Variants in CACNA1A observed in about 807,000 individuals in gnomAD.
CACNA1A encodes the protein calcium voltage-gated channel subunit alpha1 A, also known as voltage-dependent P/Q-type calcium channel subunit alpha-1A.
CACNA1A carries 57 observed loss-of-function variants against 262.4 expected under a neutral mutation model. The ratio of observed to expected loss-of-function variants is 0.22; its 90% CI spans 0.18 to 0.27. CACNA1A has a LOEUF of 0.27. Ranked by LOEUF, CACNA1A falls within the 10% of genes least tolerant of loss-of-function variation. The probability of loss-of-function intolerance (pLI) is 1.00; values close to 1 mark genes in which losing one functional copy is unlikely to be tolerated. For synonymous variants in CACNA1A, 1,431 were observed against 1,419.3 expected (o/e 1.01, Z -0.18); for missense variants, 2,526 against 3,562.8 (o/e 0.71, Z 7.41).
intron 4 of CACNA1A, among the ~76,000 whole-genome samples, chr19:13,369,909 T>G (rs762968636): frequency 5.9e-5 from 9 of 152,206 alleles, no homozygotes; most frequent in South Asian, 2.1e-4. Flanking sequence ...TACAAAAAGA[T>G]CCTGCTGGTG....
At chr19:13,470,706 C>T (rs757917975) in intron 1 of CACNA1A, among the ~76,000 whole-genome samples, 7 of 152,194 alleles carry the variant, frequency 4.6e-5, no homozygotes, top group African/African-American at 1.7e-4. Context: ...TGCAACGCTG[C>T]CCTCCACCAC....
intron 1 of CACNA1A, among the ~76,000 whole-genome samples, chr19:13,486,366 GTC>G (rs1167412544): frequency 4.0e-4 from 26 of 65,196 alleles, no homozygotes; most frequent in Admixed American, 4.8e-4. Context: ...GGTTTGTTCT[GTC>G]TCTCTCTCTC....
intron 1 of CACNA1A, among the ~76,000 whole-genome samples, chr19:13,457,834 CAAAAGCAAAACTCCGTTTCAAAA>C (rs528050651): frequency 0.039 from 2,543 of 64,668 alleles, 59 homozygotes; most frequent in African/African-American, 0.13. Context: ...GCCTGGGCAA[CAAAAGCAAAACTCCGTTTCAAAA>C]AAAAAAAAAA....
At chr19:13,266,397 T>C (rs1012835081) in intron 24 of CACNA1A, among the ~76,000 whole-genome samples, 3 of 152,032 alleles carry the variant, frequency 2.0e-5, no homozygotes, top group Non-Finnish European at 2.9e-5. Flanking sequence ...AATTGAACTT[T>C]AGAATACATG....
intron 1 of CACNA1A, 36 bp downstream of exon 1, chr19:13,505,896 G>T: frequency 6.3e-7 from 1 of 1,596,306 alleles, no homozygotes; most frequent in Non-Finnish European, 8.5e-7. Flanking sequence ...AGGAGGGGGA[G>T]GCGCAGCTGC....
chr19:13,227,400 T>C (rs955359191), intron 37 of CACNA1A, 31 bp downstream of exon 37: 8 of 1,183,710 alleles, frequency 6.8e-6, no homozygotes, highest in Middle Eastern at 2.0e-4. Context: ...ACCCAGTGCC[T>C]GGACGTCGGT....
chr19:13,484,585 T>G (rs1979753698), intron 1 of CACNA1A, among the ~76,000 whole-genome samples: 1 of 152,210 alleles, frequency 6.6e-6, no homozygotes, highest in African/African-American at 2.4e-5. Context: ...TGAAATCATT[T>G]CCTAATTGGT....
intron 19 of CACNA1A, among the ~76,000 whole-genome samples, chr19:13,290,735 A>ATG (rs1166499368): frequency 8.6e-5 from 13 of 151,420 alleles, no homozygotes; most frequent in Admixed American, 2.6e-4. Context: ...ATGTGTATAT[A>ATG]TGTGTATATA....
intron 1 of CACNA1A, among the ~76,000 whole-genome samples, chr19:13,481,887 C>T (rs932314762): frequency 1.3e-5 from 2 of 151,950 alleles, no homozygotes; most frequent in African/African-American, 4.8e-5. Context: ...GCATCTTTCC[C>T]CACCCAGCCT....
At position 13,445,140 on chromosome 19, in the gene CACNA1A, C is replaced by CAA. The variant is rs146865083; in HGVS notation, c.539+7734_539+7735dup. Among the ~76,000 whole-genome samples the CAA allele has an allele frequency of 7.5e-3, 776 of 104,136 alleles. 11 individuals carry two copies. The highest frequency in any genetic ancestry group is 0.023 in the African/African-American group (693 of 30,678). The allele number at this position is 104,136 out of a possible 152,430, so 68.3% of individuals were successfully genotyped here. A position where few individuals can be genotyped will look rare whatever the true frequency, so the allele number is the denominator to read the frequency against. ...GGGCAACAAGAGAAAAACTCCGTCT[C>CAA]AAAAAAAAAAAAAAAAATTCAATGA... is the stretch of plus-strand genomic sequence containing the variant. On this transcript the variant is annotated intron_variant, in intron 3 of 46. Coordinates refer to ENST00000360228, the MANE Select transcript of CACNA1A (RefSeq NM_001127222.2).
rs2057332966 is a variant in CACNA1A, at chr19:13,283,391, C to T, written c.3698G>A (p.Arg1233His). The T allele has an allele frequency of 1.2e-6, 2 of 1,613,706 alleles. No homozygotes were observed. Among genetic ancestry groups the T allele is most frequent in the Non-Finnish European group, 8.5e-7 (1 of 1,179,792 alleles). The change falls in exon 22 of 47, where the codon CGC becomes CAC. Residue 1233 changes from arginine to histidine, a missense_variant. Physicochemically the swap from Arg to His is conservative, Grantham distance 29. This residue lies in a region of CACNA1A where 765 missense variants were observed against 748.6 expected (regional missense o/e 1.02). Transcript: ENST00000360228. ...GTTCAGGATGTAATGGCACAGGCGG[C>T]GAAGGCTGTTGGAGACAGATGGGCG... ...MFILSTTNPL[R>H]RLCHYILNLR...
At chr19:13,288,309 G>A (rs181302465) in intron 19 of CACNA1A, among the ~76,000 whole-genome samples, 77 of 151,154 alleles carry the variant, frequency 5.1e-4, no homozygotes, top group Non-Finnish European at 8.7e-4. Context: ...GCAGGATCTT[G>A]GCTCACTGCA....
intron 3 of CACNA1A, among the ~76,000 whole-genome samples, chr19:13,375,184 G>T (rs752415641): frequency 5.3e-5 from 8 of 152,042 alleles, no homozygotes; most frequent in Non-Finnish European, 1.2e-4. Flanking sequence ...TGTTATGGTG[G>T]TCTGTGATCA....
At chr19:13,244,765 T>C (rs998881671) in intron 31 of CACNA1A, 1 of 174,306 alleles carries the variant, frequency 5.7e-6, no homozygotes, top group Non-Finnish European at 1.2e-5. Flanking sequence ...GGCTCTCTCC[T>C]GCCCACTAAC....
At chr19:13,458,260 A>G (rs188044801) in intron 1 of CACNA1A, among the ~76,000 whole-genome samples, 21 of 152,194 alleles carry the variant, frequency 1.4e-4, no homozygotes, top group Non-Finnish European at 2.9e-4. Flanking sequence ...CCTAGGCTCA[A>G]ACGATCCTCC....
At chr19:13,336,616 A>G (rs138615557) in intron 6 of CACNA1A, among the ~76,000 whole-genome samples, 3 of 143,952 alleles carry the variant, frequency 2.1e-5, no homozygotes, top group East Asian at 9.1e-4. Context: ...AGAGAGAGAG[A>G]GAGAGAGAGA....
intron 5 of CACNA1A, among the ~76,000 whole-genome samples, chr19:13,360,323 G>A (rs2059084157): frequency 7.3e-6 from 1 of 137,782 alleles, no homozygotes; most frequent in Non-Finnish European, 1.5e-5. Flanking sequence ...GAGAGAACGG[G>A]GGGAGAGAGA....
chr19:13,223,010 A>C (rs1375871597), intron 38 of CACNA1A, among the ~76,000 whole-genome samples: 1 of 151,758 alleles, frequency 6.6e-6, no homozygotes, highest in African/African-American at 2.4e-5. Flanking sequence ...AGCTTTAAAA[A>C]AAATGTTTTT....
chr19:13,408,821 G>A (rs2060058105), intron 3 of CACNA1A, among the ~76,000 whole-genome samples: 1 of 152,244 alleles, frequency 6.6e-6, no homozygotes, highest in Admixed American at 6.5e-5. Flanking sequence ...TGAAGGAACA[G>A]TAAGGTGTCC....
Sources: allele counts gnomAD v4.1 joint callset (sites outside exome capture counted in the v4.1 genomes callset), GRCh38; gene constraint gnomAD v4.1.1; regional missense constraint gnomAD v4.1.1; transcripts MANE v1.5; gene names NCBI Gene and HGNC (gene_info 2026-07-23, HGNC 2026-07-21).